Variants in DYSF observed in about 807,000 individuals in gnomAD.
The protein encoded by DYSF is dystrophy-associated fer-1-like 1.
DYSF carries 212 observed loss-of-function variants against 274.9 expected under a neutral mutation model. That is an observed-to-expected ratio of 0.77 (90% confidence interval 0.69 to 0.86). The LOEUF is 0.86. Among genes scored for constraint, DYSF ranks in the 40% least tolerant of loss-of-function variants. The pLI is 0.00. For synonymous variants in DYSF, 1,091 were observed against 1,078.7 expected (o/e 1.01, Z -0.22); for missense variants, 2,666 against 2,783.2 (o/e 0.96, Z 0.95).
rs1440131340 is a variant in DYSF at position 71,511,815 on chromosome 2, G to T, written c.354G>T (p.Leu118=). The T allele has an allele frequency of 1.3e-6, 2 of 1,550,530 alleles. No individual in the cohort carries two copies. The highest frequency in any genetic ancestry group is 3.9e-5 in the Admixed American group (2 of 51,012). The part of the protein sequence containing the change: ...DTKKQPTGAS[L]VLQVSYTPLP... ...CGTCTCATCTCTTCCAGGCCTCGCTGGTCCTGCAGGTGTCCTACACACCGC... is the reference window on the plus strand; with the variant it reads ...CGTCTCATCTCTTCCAGGCCTCGCTTGTCCTGCAGGTGTCCTACACACCGC... Residue 118 remains leucine, a synonymous_variant, in exon 5 of 56, where the codon CTG becomes CTT. Coordinates refer to ENST00000410020, the MANE Select transcript of DYSF (RefSeq NM_001130987.2).
chr2:71,566,395 C>T (rs534563938), intron 24 of DYSF, among the ~76,000 whole-genome samples: 161 of 148,266 alleles, frequency 1.1e-3, no homozygotes, highest in Non-Finnish European at 1.9e-3. Context: ...AATTGTTTCT[C>T]GAAGTCTTCC....
intron 30 of DYSF, among the ~76,000 whole-genome samples, chr2:71,588,101 G>A (rs2093132795): frequency 6.6e-6 from 1 of 152,208 alleles, no homozygotes; most frequent in Non-Finnish European, 1.5e-5. Context: ...GCATAAGCTT[G>A]CTATGGGAGT....
chr2:71,590,071 A>T (rs922469265), intron 31 of DYSF, 140 bp from the exon 32 acceptor site: 2 of 821,614 alleles, frequency 2.4e-6, no homozygotes, highest in Non-Finnish European at 2.1e-6. Flanking sequence ...CTGACCTCGC[A>T]CAGTGGCCTG....
intron 5 of DYSF, among the ~76,000 whole-genome samples, 200 bp downstream of exon 5, chr2:71,512,121 C>G (rs1175787614): frequency 6.6e-6 from 1 of 152,230 alleles, no homozygotes; most frequent in Non-Finnish European, 1.5e-5. Context: ...AAAGAAGGGG[C>G]AGCAGGCACG....
chr2:71,492,293 C>T (rs932149808), intron 3 of DYSF, among the ~76,000 whole-genome samples: 11 of 152,170 alleles, frequency 7.2e-5, no homozygotes, highest in Admixed American at 6.5e-5. Flanking sequence ...TTCCCTGTTT[C>T]CTGCCCCTCA....
chr2:71,527,121 G>A (rs995272887), intron 13 of DYSF, among the ~76,000 whole-genome samples: 2 of 152,224 alleles, frequency 1.3e-5, no homozygotes, highest in Non-Finnish European at 2.9e-5. Flanking sequence ...AAATGCCGGG[G>A]CCCCACCTCC....
At chr2:71,653,449 G>A (rs2094703467) in intron 42 of DYSF, among the ~76,000 whole-genome samples, 2 of 151,994 alleles carry the variant, frequency 1.3e-5, no homozygotes, top group Admixed American at 1.3e-4. Context: ...AGAAAATGTG[G>A]CACATATACA....
rs765222601 is a variant in DYSF at position 71,466,934 on chromosome 2, G to A, written c.91+1G>A. 6.5e-7 allele frequency: 1 copy of A among 1,549,698 alleles called. No individual in the cohort carries two copies. Among genetic ancestry groups the A allele is most frequent in the South Asian group, 1.2e-5 (1 of 84,032 alleles). On this transcript the variant is annotated splice_donor_variant, in intron 1 of 55. Coordinates refer to ENST00000410020, the MANE Select transcript of DYSF (RefSeq NM_001130987.2). LOFTEE classifies it high-confidence loss of function. ...CCTGTCGCAAGCCTGACTTTCCGAG[G>A]TGAGAGCCCCGTGGCTGCCGCGCCC...
chr2:71,527,652 G>A (rs2088097076), intron 13 of DYSF, among the ~76,000 whole-genome samples: 1 of 152,070 alleles, frequency 6.6e-6, no homozygotes, highest in Admixed American at 6.5e-5. Context: ...GTTGCCTTTT[G>A]TATTCATGTA....
intron 17 of DYSF, among the ~76,000 whole-genome samples, chr2:71,542,189 G>T (rs10183978): frequency 6.6e-6 from 1 of 152,052 alleles, no homozygotes; most frequent in Non-Finnish European, 1.5e-5. Context: ...AAAATCATGA[G>T]GTTATAAAAG....
chr2:71,611,157 C>A, intron 36 of DYSF, 88 bp from the exon 37 acceptor site: 1 of 1,009,642 alleles, frequency 9.9e-7, no homozygotes, highest in Non-Finnish European at 1.6e-6. Flanking sequence ...CTTGGCATTT[C>A]TTTCTGTCCT....
intron 24 of DYSF, among the ~76,000 whole-genome samples, chr2:71,567,685 T>C (rs1449989921): frequency 6.6e-6 from 1 of 152,096 alleles, no homozygotes; most frequent in East Asian, 1.9e-4. Context: ...ATGGTTCTTC[T>C]CTGCAGAGCG....
At chr2:71,621,369 TA>T (rs1330979086) in intron 41 of DYSF, among the ~76,000 whole-genome samples, 2 of 152,080 alleles carry the variant, frequency 1.3e-5, no homozygotes, top group Non-Finnish European at 2.9e-5. Context: ...TCGATATACA[TA>T]TTTTTTTCTG....
At position 71,516,309 on chromosome 2, in the gene DYSF, C is replaced by T. The variant is rs369361727; in HGVS notation, c.951+67C>T. On this transcript the variant is annotated intron_variant, in intron 9 of 55. Coordinates refer to ENST00000410020, the MANE Select transcript of DYSF (RefSeq NM_001130987.2). ...ATGCACATAGGTGTCAGTGCACACGCGTGTGTGTTTGTGCACGTGTGTGCA... is the reference window on the plus strand; with the variant it reads ...ATGCACATAGGTGTCAGTGCACACGTGTGTGTGTTTGTGCACGTGTGTGCA... 1,257 of 1,488,388 alleles carry T rather than the reference C, an allele frequency of 8.4e-4. 10 individuals carry two copies. The African/African-American group carries it at 0.015, about 18-fold the overall frequency. The allele number at this position is 1,488,388 out of a possible 1,614,324, so 92.2% of individuals were successfully genotyped here.
chr2:71,516,404 G>C (rs1173917571), intron 9 of DYSF, among the ~76,000 whole-genome samples, 162 bp downstream of exon 9: 1 of 152,238 alleles, frequency 6.6e-6, no homozygotes, highest in Admixed American at 6.5e-5. Context: ...ATGTGCGTGA[G>C]AGGGAGACGT....
chr2:71,653,333 A>T (rs1470446922), intron 42 of DYSF, among the ~76,000 whole-genome samples: 2 of 152,052 alleles, frequency 1.3e-5, no homozygotes, highest in African/African-American at 4.8e-5. Flanking sequence ...GGATTATAAA[A>T]CATGCTGCTA....
In DYSF at chr2:71,466,727, A is replaced by G. The variant is rs2081557936; in HGVS notation, c.-116A>G. On this transcript the variant is annotated 5_prime_UTR_variant, in exon 1 of 56. Coordinates refer to ENST00000410020, the MANE Select transcript of DYSF (RefSeq NM_001130987.2). The stretch of plus-strand genomic sequence containing the variant: ...TCTCCGCGGAGGAGCAGCGAAGGCG[A>G]CAGCTCTCTTGGCGCGGCTGCCTGG... The G allele has an allele frequency of 7.2e-7, 1 of 1,397,228 alleles. No homozygotes were observed. The highest frequency in any genetic ancestry group is 1.5e-5 in the African/African-American group (1 of 66,914). 86.6% of individuals were successfully genotyped at this position (1,397,228 alleles called of 1,614,324 possible).
intron 23 of DYSF, among the ~76,000 whole-genome samples, chr2:71,563,537 G>A (rs1574012043): frequency 6.6e-6 from 1 of 152,330 alleles, no homozygotes; most frequent in East Asian, 1.9e-4. Context: ...CATTTTCAGA[G>A]TCCAGTGTCT....
At chr2:71,551,227 T>G (rs530675422) in intron 18 of DYSF, 71 bp downstream of exon 18, 217 of 1,510,784 alleles carry the variant, frequency 1.4e-4, no homozygotes, top group Non-Finnish European at 1.8e-4. Flanking sequence ...CAGGCCTGCA[T>G]GCAGGGTCTT....
Sources: allele counts gnomAD v4.1 joint callset (sites outside exome capture counted in the v4.1 genomes callset), GRCh38; gene constraint gnomAD v4.1.1; transcripts MANE v1.5; gene names NCBI Gene and HGNC (gene_info 2026-07-23, HGNC 2026-07-21).